ASTN2: variants seen among roughly 807,000 people sequenced by gnomAD.
ASTN2 encodes the protein astrotactin 2.
Under a neutral mutation model 139.8 loss-of-function variants are expected in ASTN2, and 54 were observed. That is an observed-to-expected ratio of 0.39 (90% CI 0.31 to 0.48). The LOEUF (loss-of-function observed/expected upper bound fraction) is 0.48, where lower values mean the gene tolerates loss of function less well. Among genes scored for constraint, ASTN2 ranks in the 20% least tolerant of loss-of-function variants. The probability of loss-of-function intolerance (pLI) is 0.95; values close to 1 mark genes in which losing one functional copy is unlikely to be tolerated. For missense variants in ASTN2, 1,565 were observed against 1,725.1 expected (o/e 0.91, Z 1.64); for synonymous variants, 756 against 719.5 (o/e 1.05, Z -0.81).
At chr9:117,019,826 T>C (rs10817977) in intron 6 of ASTN2, among the ~76,000 whole-genome samples, 46,067 of 152,046 alleles carry the variant, frequency 0.3, 7,300 homozygotes, top group Admixed American at 0.38. Context: ...ATTCACTCTG[T>C]GAACCTTGCG....
chr9:117,221,036 T>C (rs531125553), intron 2 of ASTN2, among the ~76,000 whole-genome samples: 21 of 152,206 alleles, frequency 1.4e-4, no homozygotes, highest in Non-Finnish European at 2.6e-4. Context: ...TTCCAGTGCT[T>C]AGCCCAGGGA....
chr9:116,898,488 A>C (rs1217136548), intron 10 of ASTN2, among the ~76,000 whole-genome samples: 1 of 152,086 alleles, frequency 6.6e-6, no homozygotes, highest in Non-Finnish European at 1.5e-5. Flanking sequence ...CTCTGCTAAG[A>C]GCCTTCACTT....
intron 2 of ASTN2, among the ~76,000 whole-genome samples, chr9:117,220,260 C>T (rs7867818): frequency 0.018 from 2,773 of 152,142 alleles, 100 homozygotes; most frequent in African/African-American, 0.063. Flanking sequence ...GCCTGGTACA[C>T]AAAACCCCTC....
intron 7 of ASTN2, among the ~76,000 whole-genome samples, chr9:116,980,059 T>C (rs1836464845): frequency 6.6e-6 from 1 of 152,172 alleles, no homozygotes; most frequent in Non-Finnish European, 1.5e-5. Flanking sequence ...CCATGAGGCT[T>C]CCTGGAGAAC....
At chr9:116,446,637 G>T (rs1179968038) in intron 20 of ASTN2, among the ~76,000 whole-genome samples, 1 of 152,154 alleles carries the variant, frequency 6.6e-6, no homozygotes, top group African/African-American at 2.4e-5. Flanking sequence ...TATGAAAGAG[G>T]CGGCTCATGG....
intron 1 of ASTN2, among the ~76,000 whole-genome samples, chr9:117,377,990 G>A (rs1041998690): frequency 6.6e-6 from 1 of 152,198 alleles, no homozygotes; most frequent in African/African-American, 2.4e-5. Context: ...CTCTGGGTAG[G>A]AAAGTGAGAA....
chr9:117,039,946 C>T lies in ASTN2; in HGVS notation c.1296G>A (p.Val432=), dbSNP rs1218625637. 2.5e-6 allele frequency: 4 copies of T among 1,612,062 alleles called. No homozygotes were observed. The highest frequency in any genetic ancestry group is 3.4e-6 in the Non-Finnish European group (4 of 1,178,986). Residue 432 remains valine (V), a synonymous_variant, in exon 6 of 23, where the codon GTG becomes GTA. Coordinates refer to ENST00000313400, the MANE Select transcript of ASTN2 (RefSeq NM_001365068.1). ...RRSKGLLKSP[V]NKTALTLIAV... ...CAATCAGTGTCAGGGCTGTCTTGTT[C>T]ACTGGGCTTTTCAGCAAACCTGGTA...
intron 19 of ASTN2, among the ~76,000 whole-genome samples, chr9:116,595,286 T>C (rs562082418): frequency 6.6e-6 from 1 of 152,226 alleles, no homozygotes; most frequent in Middle Eastern, 3.4e-3. Flanking sequence ...TGGTATGGTG[T>C]AGGTACTTAA....
chr9:116,643,601 G>C (rs903409117), intron 17 of ASTN2, among the ~76,000 whole-genome samples: 2 of 152,122 alleles, frequency 1.3e-5, no homozygotes, highest in African/African-American at 4.8e-5. Context: ...TTATCTGTTA[G>C]ATAAGGATAA....
intron 19 of ASTN2, among the ~76,000 whole-genome samples, chr9:116,575,550 T>C (rs1853690468): frequency 1.3e-5 from 2 of 152,160 alleles, no homozygotes; most frequent in African/African-American, 4.8e-5. Context: ...GGTTGACACA[T>C]AGTCAGCAAT....
At chr9:116,616,066 G>C (rs1432265655) in intron 19 of ASTN2, among the ~76,000 whole-genome samples, 4 of 151,972 alleles carry the variant, frequency 2.6e-5, no homozygotes, top group Admixed American at 6.6e-5. Context: ...AGAACAATTA[G>C]ACAAGTAATA....
chr9:116,945,898 C>T (rs1835380998), intron 10 of ASTN2, among the ~76,000 whole-genome samples: 1 of 152,184 alleles, frequency 6.6e-6, no homozygotes, highest in South Asian at 2.1e-4. Flanking sequence ...ATTTAACTGA[C>T]TCACTGTTCC....
chr9:117,050,686 T>C (rs1049071656), intron 5 of ASTN2, among the ~76,000 whole-genome samples: 1 of 152,152 alleles, frequency 6.6e-6, no homozygotes, highest in African/African-American at 2.4e-5. Context: ...AAAAGCTTCC[T>C]CAGCTGATCC....
In ASTN2 at chr9:117,414,974, CGGTGGCGGCGGT is replaced by C; in HGVS notation, c.-48_-37del. 1 of 203,984 alleles carries C rather than the reference CGGTGGCGGCGGT, an allele frequency of 4.9e-6. No homozygotes were observed. The highest frequency in any genetic ancestry group is 9.1e-6 in the Non-Finnish European group (1 of 110,334). The allele number at this position is 203,984 out of a possible 1,614,324, so 12.6% of individuals were successfully genotyped here. A position where few individuals can be genotyped will look rare whatever the true frequency, so the allele number is the denominator to read the frequency against. On this transcript the variant is annotated 5_prime_UTR_variant, in exon 1 of 23. Transcript: ENST00000313400. This position sits in a 1 kb window ranked among gnomAD's most constrained non-coding sequence, Gnocchi z 4.2. ...GCTGCGGTGCTGCGGGCGGCGGCGG[CGGTGGCGGCGGT>C]GGCGAAGGAGGAAGAGGAGGCAGCT...
At chr9:117,261,432 C>G (rs1380777787) in intron 2 of ASTN2, among the ~76,000 whole-genome samples, 1 of 152,154 alleles carries the variant, frequency 6.6e-6, no homozygotes, top group Non-Finnish European at 1.5e-5. Context: ...TACACAGCTT[C>G]AAAGCACTTG....
intron 6 of ASTN2, among the ~76,000 whole-genome samples, chr9:117,015,913 G>A (rs962122604): frequency 2.6e-5 from 4 of 151,948 alleles, no homozygotes; most frequent in Non-Finnish European, 5.9e-5. Context: ...AGTCTTTCTA[G>A]TCCAGAATCT....
At chr9:116,678,248 A>G (rs915156818) in intron 16 of ASTN2, among the ~76,000 whole-genome samples, 1 of 152,224 alleles carries the variant, frequency 6.6e-6, no homozygotes, top group African/African-American at 2.4e-5. Flanking sequence ...ATTAGATTAT[A>G]GATAAGGCCT....
rs568809549 is a variant in ASTN2, at chr9:116,731,888, G to GA, written c.2521+1510_2521+1511insT. ...GGAGGTAGTAAACTCCCCATCACTG[G>GA]GGGTATCCAAAGAGGGATAACCACT... On this transcript the variant is annotated intron_variant, in intron 14 of 22. Transcript: ENST00000313400. Among the ~76,000 whole-genome samples, 296 of 140,216 alleles carry GA rather than the reference G, an allele frequency of 2.1e-3. 1 individual carries two copies. The highest frequency in any genetic ancestry group is 9.5e-3 in the African/African-American group (285 of 30,124). 92.0% of individuals were successfully genotyped at this position (140,216 alleles called of 152,430 possible).
chr9:116,529,637 T>A (rs1287209493), intron 19 of ASTN2, among the ~76,000 whole-genome samples: 3 of 152,098 alleles, frequency 2.0e-5, no homozygotes, highest in African/African-American at 7.2e-5. Context: ...AAATCTCATC[T>A]AGAGTTGTAA....
Sources: gnomAD v4.1 joint callset for allele counts (sites outside exome capture counted in the v4.1 genomes callset) on GRCh38, gnomAD v4.1.1 for gene constraint, Gnocchi (gnomAD v3.1) non-coding constraint, MANE v1.5 for transcripts, NCBI Gene and HGNC (gene_info 2026-07-23, HGNC 2026-07-21) for gene names.